SPRR2G: variants seen among roughly 807,000 people sequenced by gnomAD.
The protein encoded by SPRR2G is small proline-rich protein 2G.
In SPRR2G, 1 loss-of-function variant was observed where a neutral mutation model predicts 0.7. The ratio of observed to expected loss-of-function variants is 1.49; its 90% CI spans 0.53 to 7.06. The LOEUF (loss-of-function observed/expected upper bound fraction) is 7.06, where lower values mean the gene tolerates loss of function less well. SPRR2G is among the 30% of genes most tolerant of loss of function. SPRR2G has a pLI of 0.14. For synonymous variants in SPRR2G, 38 were observed against 33.9 expected (o/e 1.12, Z -0.42); for missense variants, 96 against 88.5 (o/e 1.09, Z -0.34).
chr1:153,162,977 T>C, the SPRR2G span, among the ~76,000 whole-genome samples: 8 of 152,192 alleles, frequency 5.3e-5, no homozygotes, highest in Non-Finnish European at 1.0e-4. Context: ...CAATAAAGAA[T>C]CTTCTGTCAT....
At chr1:153,182,824 T>G in the SPRR2G span, among the ~76,000 whole-genome samples, 1 of 152,158 alleles carries the variant, frequency 6.6e-6, no homozygotes, top group Non-Finnish European at 1.5e-5. Context: ...TCTTTGCTAT[T>G]GTGAATAGTG....
At chr1:153,190,800 T>C in the SPRR2G span, 1 of 152,240 alleles carries the variant, frequency 6.6e-6, no homozygotes, top group Non-Finnish European at 1.5e-5. Context: ...TTCTCCCTAA[T>C]AATCTCCATA....
chr1:153,177,773 G>T, the SPRR2G span, among the ~76,000 whole-genome samples: 1 of 151,958 alleles, frequency 6.6e-6, no homozygotes, highest in Non-Finnish European at 1.5e-5. Context: ...CAGATAGTGT[G>T]AGACCTACAA....
chr1:153,184,981 G>T, the SPRR2G span, among the ~76,000 whole-genome samples: 1 of 152,092 alleles, frequency 6.6e-6, no homozygotes, highest in Non-Finnish European at 1.5e-5. Context: ...TTTTATCATT[G>T]GTTCTGTTTA....
chr1:153,172,621 C>G, the SPRR2G span, among the ~76,000 whole-genome samples: 1 of 151,962 alleles, frequency 6.6e-6, no homozygotes, highest in Non-Finnish European at 1.5e-5. Context: ...GTTTCCGGTA[C>G]AAAAAAAGAG....
chr1:153,202,475 C>T, the SPRR2G span, among the ~76,000 whole-genome samples: 27 of 152,244 alleles, frequency 1.8e-4, no homozygotes, highest in African/African-American at 2.4e-4. Context: ...CTGGTGTCAT[C>T]GTATTGCCTT....
At chr1:153,166,693 C>A in the SPRR2G span, among the ~76,000 whole-genome samples, 11,250 of 152,150 alleles carry the variant, frequency 0.074, 694 homozygotes, top group African/African-American at 0.17. Flanking sequence ...TCATTTCATT[C>A]ATCACTCACT....
the SPRR2G span, among the ~76,000 whole-genome samples, chr1:153,188,754 G>A: frequency 2.6e-5 from 4 of 152,182 alleles, no homozygotes; most frequent in Non-Finnish European, 5.9e-5. Flanking sequence ...CTCAAGGTCT[G>A]CCCAAACAGC....
Position 153,150,472 on chromosome 1 carries a change from C to G in SPRR2G, c.-21-341G>C, listed in dbSNP as rs114681358. The stretch of plus-strand genomic sequence containing the variant: ...ATCTGTGCTCTTATCTTCCATGAGG[C>G]CCTAGTTACCAGTTTTAATGAGCTG... On this transcript the variant is annotated intron_variant, in intron 1 of 1. Coordinates refer to ENST00000368748, the MANE Select transcript of SPRR2G (RefSeq NM_001014291.4). 3.9e-3 allele frequency among the ~76,000 whole-genome samples: 594 copies of G among 152,222 alleles called. 9 individuals are homozygous for G. Among genetic ancestry groups the G allele is most frequent in the African/African-American group, 0.013 (542 of 41,546 alleles).
chr1:153,158,863 AC>A, the SPRR2G span, among the ~76,000 whole-genome samples: 1 of 152,226 alleles, frequency 6.6e-6, no homozygotes, highest in Non-Finnish European at 1.5e-5. Flanking sequence ...AAGGTTTCAG[AC>A]TTGCACCCTT....
the SPRR2G span, among the ~76,000 whole-genome samples, chr1:153,201,355 T>C: frequency 6.6e-6 from 1 of 152,202 alleles, no homozygotes; most frequent in Non-Finnish European, 1.5e-5. Context: ...GAGAACTTCT[T>C]GAGCAAGAAA....
At chr1:153,199,980 G>A in the SPRR2G span, among the ~76,000 whole-genome samples, 2 of 151,998 alleles carry the variant, frequency 1.3e-5, no homozygotes, top group Admixed American at 1.3e-4. Flanking sequence ...GAAATACTTT[G>A]CCAAAAAAGC....
chr1:153,173,524 C>A, the SPRR2G span, among the ~76,000 whole-genome samples: 1 of 152,148 alleles, frequency 6.6e-6, no homozygotes, highest in African/African-American at 2.4e-5. Flanking sequence ...CTCTAAAATA[C>A]CTCCTGATGG....
chr1:153,151,922 T>C (rs1656478208), upstream of SPRR2G, among the ~76,000 whole-genome samples: 1 of 152,230 alleles, frequency 6.6e-6, no homozygotes, highest in African/African-American at 2.4e-5. Context: ...CTTCAGCTAG[T>C]ATTACTCACT....
chr1:153,179,957 A>G, the SPRR2G span, among the ~76,000 whole-genome samples: 6 of 152,156 alleles, frequency 3.9e-5, no homozygotes, highest in African/African-American at 1.4e-4. Context: ...AAGTCTGAAG[A>G]CCTTACTGTC....
chr1:153,199,679 C>T, the SPRR2G span, among the ~76,000 whole-genome samples: 1 of 152,008 alleles, frequency 6.6e-6, no homozygotes, highest in Non-Finnish European at 1.5e-5. Context: ...GAAGGAAATC[C>T]AACATTCAAG....
the SPRR2G span, among the ~76,000 whole-genome samples, chr1:153,193,264 C>T: frequency 3.9e-5 from 6 of 152,234 alleles, no homozygotes; most frequent in African/African-American, 1.4e-4. Context: ...ACCCACTCAC[C>T]CCCACCGATC....
chr1:153,193,621 T>C, the SPRR2G span, among the ~76,000 whole-genome samples: 3 of 152,204 alleles, frequency 2.0e-5, no homozygotes, highest in Admixed American at 6.5e-5. Flanking sequence ...CCGAAAGAGA[T>C]GGTGGGATTG....
At chr1:153,171,735 A>T in the SPRR2G span, among the ~76,000 whole-genome samples, 1 of 152,216 alleles carries the variant, frequency 6.6e-6, no homozygotes, top group Non-Finnish European at 1.5e-5. Flanking sequence ...TCCCTGGCAC[A>T]GATAGTGAAG....
Sources: gnomAD v4.1 joint callset for allele counts (sites outside exome capture counted in the v4.1 genomes callset) on GRCh38, gnomAD v4.1.1 for gene constraint, MANE v1.5 for transcripts, NCBI Gene and HGNC (gene_info 2026-07-23, HGNC 2026-07-21) for gene names.